USP14: variants seen among roughly 807,000 people sequenced by gnomAD.
USP14 encodes ubiquitin specific peptidase 14.
In USP14, 38 loss-of-function variants were observed where a neutral mutation model predicts 76.5. The observed-to-expected ratio is 0.50, with a 90% CI of 0.38 to 0.65. The LOEUF is 0.65. Among genes scored for constraint, USP14 ranks in the 30% least tolerant of loss-of-function variants. The probability of loss-of-function intolerance (pLI) is 0.00; values close to 1 mark genes in which losing one functional copy is unlikely to be tolerated. For synonymous variants in USP14, 192 were observed against 191.7 expected, an observed-to-expected ratio of 1.00 and a Z score of -0.01; for missense variants, 467 against 586.5, an observed-to-expected ratio of 0.80 and a Z score of 2.10.
Position 173,383 on chromosome 18 carries a change from T to C in USP14, c.196-5550T>C, listed in dbSNP as rs559994985. On this transcript the variant is annotated intron_variant, in intron 3 of 15. Transcript: ENST00000261601. ...GCCTTGGCCTCCCAAAGTGCTGGGA[T>C]TACAGGCTTGAGCCACCATGCCCGG... Among the ~76,000 whole-genome samples, 60 of 151,872 alleles carry C rather than the reference T, an allele frequency of 4.0e-4. 2 individuals are homozygous for C. In the South Asian group the frequency reaches 0.011, roughly 29 times the overall value.
At position 163,099 on chromosome 18, in the gene USP14, C is replaced by G. The variant is rs1027275330; in HGVS notation, c.17-209C>G. On this transcript the variant is annotated intron_variant, in intron 1 of 15. Coordinates refer to ENST00000261601, the MANE Select transcript of USP14 (RefSeq NM_005151.4). ...CCTGCTGAAGTCTCAGTTTCTTTAA[C>G]TATGAAATGAGAAGTTAGGTTTGAT... 11 of 406,528 alleles carry G rather than the reference C, an allele frequency of 2.7e-5. No individual in the cohort carries two copies. In the South Asian group the frequency reaches 5.6e-4, roughly 21 times the overall value. The allele number at this position is 406,528 out of a possible 1,614,324, so 25.2% of individuals were successfully genotyped here. A position where few individuals can be genotyped will look rare whatever the true frequency, so the allele number is the denominator to read the frequency against.
chr18:192,775 G>A (rs1262347857), intron 5 of USP14, 67 bp from the exon 6 acceptor site: 2 of 1,507,912 alleles, frequency 1.3e-6, no homozygotes, highest in Non-Finnish European at 9.2e-7. Flanking sequence ...CTTTTAACTG[G>A]TTTCTTCCCA....
At chr18:160,180 G>A (rs1467734165) in intron 1 of USP14, among the ~76,000 whole-genome samples, 1 of 152,148 alleles carries the variant, frequency 6.6e-6, no homozygotes, top group Non-Finnish European at 1.5e-5. Context: ...GGCAGGTGCC[G>A]GTAATCCCAG....
intron 5 of USP14, among the ~76,000 whole-genome samples, chr18:180,614 G>A (rs371229827): frequency 6.6e-6 from 1 of 152,082 alleles, no homozygotes; most frequent in Non-Finnish European, 1.5e-5. Flanking sequence ...CTAGCCAACC[G>A]TTCATCTACT....
chr18:167,632 A>G (rs1053978457), intron 3 of USP14, among the ~76,000 whole-genome samples: 2 of 151,904 alleles, frequency 1.3e-5, no homozygotes, highest in Admixed American at 6.6e-5. Flanking sequence ...CAGCCTTCCA[A>G]GTAGCTGGGA....
intron 3 of USP14, among the ~76,000 whole-genome samples, chr18:171,023 A>ATATATAT (rs1555762329): frequency 7.3e-4 from 34 of 46,784 alleles, no homozygotes; most frequent in African/African-American, 7.3e-4. Context: ...AAAAAAAAAA[A>ATATATAT]AAATATATAT....
chr18:192,984 C>A, intron 6 of USP14, 84 bp downstream of exon 6: 2 of 1,189,866 alleles, frequency 1.7e-6, no homozygotes, highest in South Asian at 3.0e-5. Flanking sequence ...TACAGAATGT[C>A]TTTTGTAAAA....
At chr18:163,230 C>A in intron 1 of USP14, 78 bp from the exon 2 acceptor site, 1 of 1,356,036 alleles carries the variant, frequency 7.4e-7, no homozygotes, top group Non-Finnish European at 1.0e-6. Flanking sequence ...CGATAACTGC[C>A]TAATTGGTGA....
intron 3 of USP14, among the ~76,000 whole-genome samples, chr18:176,523 T>TA (rs1909632857): frequency 6.6e-6 from 1 of 152,212 alleles, no homozygotes; most frequent in Admixed American, 6.5e-5. Flanking sequence ...AGCCTTTTTT[T>TA]AAATCTCTTT....
At chr18:189,196 G>T (rs1379107860) in intron 5 of USP14, among the ~76,000 whole-genome samples, 2 of 151,834 alleles carry the variant, frequency 1.3e-5, no homozygotes, top group Admixed American at 6.6e-5. Context: ...AGTTTTCAAA[G>T]AATTGGCTAT....
intron 3 of USP14, among the ~76,000 whole-genome samples, chr18:177,817 A>G (rs904710858): frequency 1.3e-5 from 2 of 152,130 alleles, no homozygotes; most frequent in Admixed American, 6.6e-5. Context: ...TTGCATATGT[A>G]TTAAATAAAA....
At chr18:175,331 A>G (rs1276076671) in intron 3 of USP14, among the ~76,000 whole-genome samples, 1 of 152,134 alleles carries the variant, frequency 6.6e-6, no homozygotes, top group Non-Finnish European at 1.5e-5. Context: ...GATAGTGGAC[A>G]TCATTGCCTT....
chr18:195,118 A>G (rs943280624), intron 6 of USP14, among the ~76,000 whole-genome samples: 11 of 151,060 alleles, frequency 7.3e-5, no homozygotes, highest in African/African-American at 2.7e-4. Context: ...CTTTTAATCT[A>G]TATTTCTTCT....
chr18:188,457 T>A (rs1784830), intron 5 of USP14, among the ~76,000 whole-genome samples: 1 of 151,808 alleles, frequency 6.6e-6, no homozygotes, highest in East Asian at 1.9e-4. Flanking sequence ...AAGGATTTTT[T>A]GGGGTCATTT....
chr18:193,470 C>T (rs1486836831), intron 6 of USP14, among the ~76,000 whole-genome samples: 1 of 151,976 alleles, frequency 6.6e-6, no homozygotes, highest in East Asian at 1.9e-4. Context: ...TAAAATCTGC[C>T]CATTTAAAGT....
intron 6 of USP14, 98 bp from the exon 7 acceptor site, chr18:196,534 AAAATT>A: frequency 7.2e-7 from 1 of 1,389,458 alleles, no homozygotes. Context: ...AAAAAAAAAA[AAAATT>A]AAGTAAGTTT....
chr18:200,429 C>T (rs1910354027), intron 10 of USP14, among the ~76,000 whole-genome samples: 1 of 152,162 alleles, frequency 6.6e-6, no homozygotes, highest in Non-Finnish European at 1.5e-5. Flanking sequence ...CAAATCAGGG[C>T]ATGTAGTCGT....
At chr18:171,327 T>C (rs1255808834) in intron 3 of USP14, among the ~76,000 whole-genome samples, 1 of 152,030 alleles carries the variant, frequency 6.6e-6, no homozygotes, top group Non-Finnish European at 1.5e-5. Flanking sequence ...AGACTGACTG[T>C]CTTGTTAGAG....
chr18:180,414 A>T (rs1909755166), intron 5 of USP14, 75 bp downstream of exon 5: 1 of 869,686 alleles, frequency 1.1e-6, no homozygotes, highest in Admixed American at 2.6e-5. Context: ...TGCTTTCTTT[A>T]GCATCTTAAT....
Sources: allele counts gnomAD v4.1 joint callset (sites outside exome capture counted in the v4.1 genomes callset), GRCh38; gene constraint gnomAD v4.1.1; transcripts MANE v1.5; gene names NCBI Gene and HGNC (gene_info 2026-07-23, HGNC 2026-07-21).